Variants in RLF observed in about 807,000 individuals in gnomAD.
RLF encodes the protein zinc finger protein Rlf.
RLF carries 7 observed loss-of-function variants against 162.9 expected under a neutral mutation model. The observed-to-expected ratio is 0.04, with a 90% CI of 0.02 to 0.08. The LOEUF is 0.08. Among genes scored for constraint, RLF ranks in the 10% least tolerant of loss-of-function variants. RLF has a pLI of 1.00. For missense variants in RLF, 1,664 were observed against 2,244.7 expected (o/e 0.74, Z 5.23); for synonymous variants, 782 against 791.5 (o/e 0.99, Z 0.20).
chr1:40,200,356 A>G (rs888553799), intron 4 of RLF, among the ~76,000 whole-genome samples: 13 of 152,178 alleles, frequency 8.5e-5, no homozygotes, highest in Non-Finnish European at 1.8e-4. Flanking sequence ...GCATCTAGGA[A>G]TTTGTTGTGT....
Position 40,239,944 on chromosome 1 carries a change from G to C in RLF, c.5242G>C (p.Glu1748Gln). 4 of 1,613,632 alleles carry C rather than the reference G, an allele frequency of 2.5e-6. No homozygotes were observed. Among genetic ancestry groups the C allele is most frequent in the East Asian group, 2.2e-5 (1 of 44,884 alleles). The change falls in exon 8 of 8, where the codon GAG (glutamate) becomes CAG (glutamine). Residue 1748 changes from glutamate to glutamine, a missense_variant. Physicochemically the swap from Glu to Gln is conservative, Grantham distance 29. This residue lies in a region of RLF where 327 missense variants were observed against 342.7 expected (regional missense o/e 0.95). Transcript: ENST00000372771. ...AAAAAATCCAACCCATGTCCCAAAAGAGAATTTTAGGAAACATTCACAGCC... is the reference window on the plus strand; with the variant it reads ...AAAAAATCCAACCCATGTCCCAAAACAGAATTTTAGGAAACATTCACAGCC... ...TVKNPTHVPK[E>Q]NFRKHSQPRS...
chr1:40,189,806 C>A (rs12091057), intron 2 of RLF, among the ~76,000 whole-genome samples: 35,849 of 144,658 alleles, frequency 0.25, 4,476 homozygotes, highest in African/African-American at 0.33. Context: ...GTCTCAACAA[C>A]AAAAAAAAAA....
In RLF at chr1:40,238,179, C is replaced by A. The variant is rs139689875; in HGVS notation, c.3477C>A (p.Val1159=). The change falls in exon 8 of 8, where the codon GTC becomes GTA. Residue 1159 remains valine (V), a synonymous_variant. Transcript: ENST00000372771. This position sits in a 1 kb window ranked among gnomAD's most constrained non-coding sequence, Gnocchi z 5.2. ...LKKHNYSKEK[V]LQLTMFQHRY... ...AGCATAATTATTCAAAAGAAAAAGTCCTTCAGTTAACCATGTTCCAACATC... is the reference window on the plus strand; with the variant it reads ...AGCATAATTATTCAAAAGAAAAAGTACTTCAGTTAACCATGTTCCAACATC... 1 of 1,613,886 alleles carries A rather than the reference C, an allele frequency of 6.2e-7. No individual in the cohort carries two copies. Among genetic ancestry groups the A allele is most frequent in the African/African-American group, 1.3e-5 (1 of 75,002 alleles).
intron 1 of RLF, among the ~76,000 whole-genome samples, chr1:40,179,058 C>G (rs1456566990): frequency 1.3e-5 from 2 of 152,126 alleles, no homozygotes; most frequent in African/African-American, 2.4e-5. Flanking sequence ...TGGTCTGGAA[C>G]TTCCAGTCTC....
intron 1 of RLF, among the ~76,000 whole-genome samples, chr1:40,177,509 G>A (rs1473567016): frequency 1.3e-5 from 2 of 151,758 alleles, no homozygotes; most frequent in African/African-American, 4.8e-5. Context: ...TAGCCAGGAT[G>A]GGGTCTATCT....
chr1:40,181,379 G>A (rs1212768307), intron 1 of RLF, among the ~76,000 whole-genome samples: 2 of 152,154 alleles, frequency 1.3e-5, no homozygotes, highest in Admixed American at 6.5e-5. Context: ...GCATTGAGCC[G>A]AGATGGCACC....
chr1:40,171,474 A>G (rs1031894890), intron 1 of RLF, among the ~76,000 whole-genome samples: 3 of 152,196 alleles, frequency 2.0e-5, no homozygotes, highest in East Asian at 3.8e-4. Context: ...TTGCATTTTT[A>G]TGATATATAA....
chr1:40,221,250 AT>A (rs1391253743), intron 5 of RLF, among the ~76,000 whole-genome samples: 2 of 152,020 alleles, frequency 1.3e-5, no homozygotes, highest in African/African-American at 4.8e-5. Context: ...CTTTGGACTC[AT>A]TTTTTATTTG....
chr1:40,233,288 G>C (rs911877489), intron 7 of RLF, among the ~76,000 whole-genome samples: 1 of 151,912 alleles, frequency 6.6e-6, no homozygotes, highest in Non-Finnish European at 1.5e-5. Flanking sequence ...TGGCATATCT[G>C]TTCAGAATAT....
At chr1:40,194,922 C>T (rs1406730636) in intron 3 of RLF, among the ~76,000 whole-genome samples, 2 of 151,912 alleles carry the variant, frequency 1.3e-5, no homozygotes, top group African/African-American at 4.8e-5. Context: ...CAACCTCTGC[C>T]TCCCAGGCTC....
intron 7 of RLF, among the ~76,000 whole-genome samples, chr1:40,232,090 C>G (rs548198030): frequency 2.4e-4 from 37 of 152,158 alleles, no homozygotes; most frequent in Admixed American, 1.9e-3. Context: ...CGCCTGTAAT[C>G]CCAGCTACTT....
chr1:40,185,826 C>CAA lies in RLF; in HGVS notation c.238-3215_238-3214dup, dbSNP rs762760072. 5.1e-3 allele frequency among the ~76,000 whole-genome samples: 155 copies of CAA among 30,190 alleles called. 1 individual carries two copies. Among genetic ancestry groups the CAA allele is most frequent in the Non-Finnish European group, 5.7e-3 (95 of 16,640 alleles). The allele number at this position is 30,190 out of a possible 152,430, so 19.8% of individuals were successfully genotyped here. A position where few individuals can be genotyped will look rare whatever the true frequency, so the allele number is the denominator to read the frequency against. On this transcript the variant is annotated intron_variant, in intron 1 of 7. Transcript: ENST00000372771. ...CTGGGCTGACAGAGTGAGACTGTCT[C>CAA]AAAAAAAAAAAAAAAGCAAAAAAAA...
intron 5 of RLF, among the ~76,000 whole-genome samples, chr1:40,209,401 T>C (rs1249784480): frequency 6.6e-6 from 1 of 152,242 alleles, no homozygotes; most frequent in Admixed American, 6.5e-5. Context: ...AACACAGTTC[T>C]TGGCATATTT....
At chr1:40,229,450 T>C (rs544555143) in intron 6 of RLF, among the ~76,000 whole-genome samples, 230 of 76,276 alleles carry the variant, frequency 3.0e-3, no homozygotes, top group African/African-American at 0.021. Context: ...TCATTTATCT[T>C]TTTTTTTTTT....
At chr1:40,214,246 C>T (rs917436837) in intron 5 of RLF, among the ~76,000 whole-genome samples, 3 of 152,100 alleles carry the variant, frequency 2.0e-5, no homozygotes, top group Non-Finnish European at 4.4e-5. Flanking sequence ...AGACAGTGTT[C>T]ATACAATGTG....
Position 40,161,978 on chromosome 1 carries a change from G to T in RLF, c.237+342G>T, listed in dbSNP as rs1217215456. Among the ~76,000 whole-genome samples the T allele has an allele frequency of 6.6e-6, 1 of 152,290 alleles. No individual in the cohort carries two copies. ...GAGGGATTGATTGCTTGTCCCTGCCGGGAGATCCTTTTTTGAGTGGAGTGC... is the reference window on the plus strand; with the variant it reads ...GAGGGATTGATTGCTTGTCCCTGCCTGGAGATCCTTTTTTGAGTGGAGTGC... On this transcript the variant is annotated intron_variant, in intron 1 of 7. Transcript: ENST00000372771. This position sits in a 1 kb window ranked among gnomAD's most constrained non-coding sequence, Gnocchi z 4.4.
chr1:40,215,368 T>G (rs1463074341), intron 5 of RLF, among the ~76,000 whole-genome samples: 2 of 152,188 alleles, frequency 1.3e-5, no homozygotes, highest in Non-Finnish European at 2.9e-5. Flanking sequence ...TTCTCCAGGA[T>G]AGACCATGTG....
At chr1:40,216,782 C>T (rs60151923) in intron 5 of RLF, among the ~76,000 whole-genome samples, 28,479 of 152,076 alleles carry the variant, frequency 0.19, 2,811 homozygotes, top group Non-Finnish European at 0.21. Flanking sequence ...AGGCCAGGTA[C>T]GGTGTCTCAC....
intron 1 of RLF, among the ~76,000 whole-genome samples, chr1:40,179,592 A>G (rs996120373): frequency 1.3e-5 from 2 of 151,320 alleles, no homozygotes; most frequent in South Asian, 4.2e-4. Flanking sequence ...TATACGTAAC[A>G]TAGAATTTGC....
Sources: allele counts gnomAD v4.1 joint callset (sites outside exome capture counted in the v4.1 genomes callset), GRCh38; gene constraint gnomAD v4.1.1; regional missense constraint gnomAD v4.1.1; non-coding constraint Gnocchi (gnomAD v3.1); transcripts MANE v1.5; gene names NCBI Gene and HGNC (gene_info 2026-07-23, HGNC 2026-07-21).